The following MYO1D variants were observed in gnomAD, a reference collection of about 807,000 sequenced individuals.
The protein encoded by MYO1D is myosin ID.
Under a neutral mutation model 122.0 loss-of-function variants are expected in MYO1D, and 83 were observed. The ratio of observed to expected loss-of-function variants is 0.68; its 90% CI spans 0.57 to 0.82. The LOEUF (loss-of-function observed/expected upper bound fraction) is 0.82. Ranked by LOEUF, MYO1D falls within the 40% of genes least tolerant of loss-of-function variation. The pLI is 0.00. For missense variants in MYO1D, 1,157 were observed against 1,269.5 expected, an observed-to-expected ratio of 0.91 and a Z score of 1.35; for synonymous variants, 464 against 446.9, an observed-to-expected ratio of 1.04 and a Z score of -0.48.
intron 21 of MYO1D, among the ~76,000 whole-genome samples, chr17:32,570,932 A>G (rs941898233): frequency 6.6e-6 from 1 of 152,186 alleles, no homozygotes; most frequent in Non-Finnish European, 1.5e-5. Flanking sequence ...GTTGTCGGGA[A>G]TAGAAGGTAA....
intron 16 of MYO1D, among the ~76,000 whole-genome samples, chr17:32,684,484 T>C (rs1273135900): frequency 6.6e-6 from 1 of 152,212 alleles, no homozygotes; most frequent in Non-Finnish European, 1.5e-5. Flanking sequence ...ACACATTTGC[T>C]GAAGGAATGA....
chr17:32,543,595 T>G (rs1910919693), intron 21 of MYO1D, among the ~76,000 whole-genome samples: 1 of 150,644 alleles, frequency 6.6e-6, no homozygotes. Flanking sequence ...AATAAATAAA[T>G]AAATAAAAAA....
chr17:32,703,086 G>C (rs2089267703), intron 16 of MYO1D, among the ~76,000 whole-genome samples: 1 of 152,216 alleles, frequency 6.6e-6, no homozygotes, highest in Non-Finnish European at 1.5e-5. Context: ...CCTTCAGTGA[G>C]TGACAGAGGA....
chr17:32,636,213 C>T (rs907399051), intron 20 of MYO1D, among the ~76,000 whole-genome samples: 1 of 152,142 alleles, frequency 6.6e-6, no homozygotes, highest in Non-Finnish European at 1.5e-5. Context: ...AGACTTCCAA[C>T]TATCTATGGA....
intron 20 of MYO1D, among the ~76,000 whole-genome samples, chr17:32,607,012 T>C (rs1245713283): frequency 6.6e-6 from 1 of 151,774 alleles, no homozygotes; most frequent in Non-Finnish European, 1.5e-5. Context: ...ATACAAAAAT[T>C]AGCCAGGTGT....
chr17:32,629,762 C>T (rs914108676), intron 20 of MYO1D, among the ~76,000 whole-genome samples: 3 of 151,016 alleles, frequency 2.0e-5, no homozygotes, highest in Admixed American at 6.6e-5. Flanking sequence ...ATCAATCTCA[C>T]TGAAGAGGGC....
chr17:32,761,582 T>C (rs556286236), intron 8 of MYO1D, among the ~76,000 whole-genome samples: 11 of 152,206 alleles, frequency 7.2e-5, no homozygotes, highest in Non-Finnish European at 1.2e-4. Flanking sequence ...GAGTTCTTCC[T>C]GGTCCTCTTC....
At chr17:32,504,824 GC>G (rs983518840) in intron 21 of MYO1D, 4 of 152,164 alleles carry the variant, frequency 2.6e-5, no homozygotes, top group African/African-American at 4.8e-5. Context: ...CATCCTCTTG[GC>G]CCCCTCCCTC....
intron 20 of MYO1D, among the ~76,000 whole-genome samples, chr17:32,628,112 G>A (rs2087951938): frequency 6.6e-6 from 1 of 152,122 alleles, no homozygotes; most frequent in Admixed American, 6.5e-5. Flanking sequence ...TCAAGCCTCA[G>A]CAACCACAAG....
chr17:32,700,008 TAAAGA>T (rs2089225691), intron 16 of MYO1D, among the ~76,000 whole-genome samples: 1 of 151,896 alleles, frequency 6.6e-6, no homozygotes, highest in African/African-American at 2.4e-5. Flanking sequence ...ATTAGAAAAG[TAAAGA>T]AAATACACAC....
In MYO1D at chr17:32,771,200, T is replaced by C. The variant is rs1166140561; in HGVS notation, c.639A>G (p.Glu213=). Residue 213 remains glutamate, a synonymous_variant, in exon 6 of 22, where the codon GAA becomes GAG. Coordinates refer to ENST00000318217, the MANE Select transcript of MYO1D (RefSeq NM_015194.3). The part of the protein sequence containing the change: ...SFYQLLQGGS[E]QMLRSLHLQK... ...GGAGATGTAGAGAGCGTAGCATTTG[T>C]TCTGAACCTCCTTGGAGTAGCTGAA... 2 of 1,610,704 alleles carry C rather than the reference T, an allele frequency of 1.2e-6. No homozygotes were observed. The highest frequency in any genetic ancestry group is 4.5e-5 in the East Asian group (2 of 44,770).
rs769405180 is a variant in MYO1D, at chr17:32,659,182, C to T, written c.2278G>A (p.Val760Met). 6.2e-6 allele frequency: 10 copies of T among 1,614,100 alleles called. No homozygotes were observed. The South Asian group carries it at 7.7e-5, about 12-fold the overall frequency. ...ACTTTAGGAGGGCTTGGCCACTTCA[C>T]GTGCTTCCCGTAGTCTCGCATGGTC... is the stretch of plus-strand genomic sequence containing the variant. ...VKTMRDYGKH[V>M]KWPSPPKVLR... Residue 760 changes from valine (V) to methionine (M), a missense_variant, in exon 17 of 22, where the codon GTG (valine) becomes ATG (methionine). Val to Met is a conservative substitution (Grantham distance 21). Transcript: ENST00000318217.
chr17:32,844,713 A>G (rs1010433722), intron 1 of MYO1D, among the ~76,000 whole-genome samples: 56 of 152,114 alleles, frequency 3.7e-4, no homozygotes, highest in African/African-American at 1.3e-3. Context: ...TGACAGGGCA[A>G]GACCCTATCT....
At chr17:32,573,888 T>G (rs1440024612) in intron 21 of MYO1D, among the ~76,000 whole-genome samples, 6 of 151,462 alleles carry the variant, frequency 4.0e-5, no homozygotes, top group Non-Finnish European at 5.9e-5. Context: ...GTCTCGCTCT[T>G]TCACCCAGGC....
intron 16 of MYO1D, among the ~76,000 whole-genome samples, chr17:32,662,214 T>C (rs1180426793): frequency 1.3e-5 from 2 of 152,190 alleles, no homozygotes; most frequent in Non-Finnish European, 2.9e-5. Context: ...GCCCAGTAGC[T>C]TTCAAGAAAA....
At chr17:32,610,714 C>T (rs1024441766) in intron 20 of MYO1D, among the ~76,000 whole-genome samples, 1 of 151,848 alleles carries the variant, frequency 6.6e-6, no homozygotes, top group Non-Finnish European at 1.5e-5. Context: ...GGGTCTTACA[C>T]TCTAAGTGAA....
chr17:32,509,497 G>C (rs941162790), intron 21 of MYO1D, among the ~76,000 whole-genome samples: 1 of 152,204 alleles, frequency 6.6e-6, no homozygotes, highest in Non-Finnish European at 1.5e-5. Context: ...TTTATGTCCT[G>C]AGGTTTAATG....
At chr17:32,592,577 AT>A (rs2087448128) in intron 21 of MYO1D, among the ~76,000 whole-genome samples, 1 of 152,246 alleles carries the variant, frequency 6.6e-6, no homozygotes, top group Non-Finnish European at 1.5e-5. Flanking sequence ...AAATAAAATT[AT>A]TTTATATGGT....
chr17:32,626,376 C>T (rs1473263461), intron 20 of MYO1D, among the ~76,000 whole-genome samples: 2 of 152,208 alleles, frequency 1.3e-5, no homozygotes, highest in Non-Finnish European at 2.9e-5. Flanking sequence ...TTGCCTCTAG[C>T]AATCTGACCT....
Sources: allele counts gnomAD v4.1 joint callset (sites outside exome capture counted in the v4.1 genomes callset), GRCh38; gene constraint gnomAD v4.1.1; transcripts MANE v1.5; gene names NCBI Gene and HGNC (gene_info 2026-07-23, HGNC 2026-07-21).